WASHC4: variants seen among roughly 807,000 people sequenced by gnomAD.
WASHC4 encodes WASH complex subunit 4, also known as WASH complex subunit 7.
A neutral mutation model predicts 166.6 loss-of-function variants in WASHC4; 86 were observed. That is an observed-to-expected ratio of 0.52 (90% CI 0.43 to 0.62). WASHC4 has a LOEUF of 0.62. Ranked by LOEUF, WASHC4 falls within the 20% of genes least tolerant of loss-of-function variation. The probability of loss-of-function intolerance (pLI) is 0.00; values close to 1 mark genes in which losing one functional copy is unlikely to be tolerated. For missense variants in WASHC4, 1,262 were observed against 1,382.4 expected, an observed-to-expected ratio of 0.91 and a Z score of 1.38; for synonymous variants, 446 against 451.6, an observed-to-expected ratio of 0.99 and a Z score of 0.16.
At chr12:105,126,993 A>G in intron 12 of WASHC4, 136 bp from the exon 13 acceptor site, 1 of 723,826 alleles carries the variant, frequency 1.4e-6, no homozygotes, top group Admixed American at 2.5e-5. Context: ...TTTGTCTCAT[A>G]ATATATTAAT....
chr12:105,155,399 A>G (rs1197267736), intron 26 of WASHC4, among the ~76,000 whole-genome samples: 1 of 147,738 alleles, frequency 6.8e-6, no homozygotes, highest in African/African-American at 2.5e-5. Context: ...TGATTCGTTC[A>G]CATTTTTGAG....
intron 13 of WASHC4, among the ~76,000 whole-genome samples, chr12:105,130,783 G>A (rs1433069814): frequency 6.6e-6 from 1 of 152,198 alleles, no homozygotes; most frequent in Non-Finnish European, 1.5e-5. Flanking sequence ...AAGGTTTGTG[G>A]ATTTTTGCAT....
chr12:105,143,035 T>C, intron 19 of WASHC4, 92 bp from the exon 20 acceptor site: 1 of 798,542 alleles, frequency 1.3e-6, no homozygotes, highest in Non-Finnish European at 2.2e-6. Flanking sequence ...CAGATCGAGG[T>C]TTTGTCTTTC....
At position 105,160,810 on chromosome 12, in the gene WASHC4, T is replaced by C. The variant is rs145336594; in HGVS notation, c.3060+662T>C. On this transcript the variant is annotated intron_variant, in intron 29 of 32. Transcript: ENST00000332180. ...AACTTTAGCTGTTATTATAGTTTTTTCTAACACATTTCTTAAAGCATATTG... is the reference window on the plus strand; with the variant it reads ...AACTTTAGCTGTTATTATAGTTTTTCCTAACACATTTCTTAAAGCATATTG... 1.8e-3 allele frequency among the ~76,000 whole-genome samples: 267 copies of C among 152,332 alleles called. 2 individuals are homozygous for C. The highest frequency in any genetic ancestry group is 5.9e-3 in the African/African-American group (245 of 41,588).
chr12:105,149,211 A>T, intron 24 of WASHC4: 1 of 985,372 alleles, frequency 1.0e-6, no homozygotes, highest in Non-Finnish European at 1.2e-6. Context: ...CATGTTTCTT[A>T]CTTTAGTATC....
At chr12:105,137,232 C>T (rs993262033) in intron 14 of WASHC4, among the ~76,000 whole-genome samples, 3 of 152,120 alleles carry the variant, frequency 2.0e-5, no homozygotes, top group Admixed American at 2.0e-4. Flanking sequence ...AGAATTTTAA[C>T]ACCTCACAAG....
intron 12 of WASHC4, 27 bp downstream of exon 12, chr12:105,126,389 T>G: frequency 6.7e-7 from 1 of 1,499,424 alleles, no homozygotes; most frequent in Non-Finnish European, 9.2e-7. Context: ...TATTTTTCAA[T>G]TTGAGCAGAT....
intron 1 of WASHC4, among the ~76,000 whole-genome samples, chr12:105,110,455 A>G (rs558068096): frequency 4.6e-5 from 7 of 152,324 alleles, no homozygotes; most frequent in South Asian, 4.1e-4. Context: ...GCTTATTCCA[A>G]TGATTCCTTA....
Position 105,125,989 on chromosome 12 carries a change from A to G in WASHC4, c.787-15A>G, listed in dbSNP as rs146437844. On this transcript the variant is annotated splice_polypyrimidine_tract_variant and intron_variant, in intron 10 of 32. Transcript: ENST00000332180. The stretch of plus-strand genomic sequence containing the variant: ...ATTGAGAGTCTGAATTTCTCTTTCA[A>G]TGTTTCCTGTCTAGGCCTGTATAGA... The G allele has an allele frequency of 1.6e-5, 26 of 1,609,756 alleles. No individual in the cohort carries two copies. Among genetic ancestry groups the G allele is most frequent in the South Asian group, 4.4e-5 (4 of 90,960 alleles).
intron 8 of WASHC4, 135 bp downstream of exon 8, chr12:105,120,732 G>T: frequency 1.4e-6 from 1 of 692,032 alleles, no homozygotes; most frequent in Non-Finnish European, 2.6e-6. Flanking sequence ...GTTTGTGTGT[G>T]TTTGCATTTG....
chr12:105,120,722 G>GTA (rs537671871), intron 8 of WASHC4, 125 bp downstream of exon 8: 9 of 694,512 alleles, frequency 1.3e-5, no homozygotes, highest in East Asian at 1.1e-4. Flanking sequence ...GTGTGTGTGT[G>GTA]TTTGTGTGTG....
chr12:105,125,890 A>C, intron 10 of WASHC4, 114 bp from the exon 11 acceptor site: 1 of 1,048,524 alleles, frequency 9.5e-7, no homozygotes, highest in South Asian at 1.5e-5. Flanking sequence ...TTTTAGTAAA[A>C]TTTAAATGAT....
At chr12:105,114,695 C>G (rs149463168) in intron 4 of WASHC4, among the ~76,000 whole-genome samples, 1 of 152,136 alleles carries the variant, frequency 6.6e-6, no homozygotes, top group Non-Finnish European at 1.5e-5. Context: ...TGCATAACAT[C>G]TTACTGGTAG....
At chr12:105,134,364 G>A (rs118138907) in intron 14 of WASHC4, among the ~76,000 whole-genome samples, 1 of 152,072 alleles carries the variant, frequency 6.6e-6, no homozygotes, top group Non-Finnish European at 1.5e-5. Flanking sequence ...GTATTTGTCA[G>A]TTGTAGCATT....
At chr12:105,108,899 T>A (rs1879360993) in intron 1 of WASHC4, among the ~76,000 whole-genome samples, 1 of 152,154 alleles carries the variant, frequency 6.6e-6, no homozygotes, top group South Asian at 2.1e-4. Context: ...CCAGGATGGG[T>A]TGCAGTTTTT....
chr12:105,121,232 T>A lies in WASHC4; in HGVS notation c.665+28T>A, dbSNP rs766774433. 6.8e-6 allele frequency: 9 copies of A among 1,330,020 alleles called. No individual in the cohort carries two copies. In the South Asian group the frequency reaches 7.0e-5, roughly 10 times the overall value. The allele number at this position is 1,330,020 out of a possible 1,614,324, so 82.4% of individuals were successfully genotyped here. ...ACACCAATTAAAATATTTTAAAATG[T>A]TTCTTACTTTGGTTAATGTATTTGT... is the stretch of plus-strand genomic sequence containing the variant. On this transcript the variant is annotated intron_variant, in intron 9 of 32. Transcript: ENST00000332180.
chr12:105,137,791 T>C, intron 14 of WASHC4, 95 bp from the exon 15 acceptor site: 1 of 1,012,832 alleles, frequency 9.9e-7, no homozygotes, highest in Non-Finnish European at 1.5e-6. Flanking sequence ...GAAACATTAG[T>C]TATTGGTAAG....
intron 13 of WASHC4, among the ~76,000 whole-genome samples, chr12:105,131,235 C>T (rs898837062): frequency 2.0e-5 from 3 of 150,590 alleles, no homozygotes; most frequent in African/African-American, 7.3e-5. Flanking sequence ...TACAGGCGCC[C>T]GCCACCGCGC....
chr12:105,140,140 G>A (rs923772431), intron 15 of WASHC4, among the ~76,000 whole-genome samples, 154 bp from the exon 16 acceptor site: 1 of 152,046 alleles, frequency 6.6e-6, no homozygotes, highest in African/African-American at 2.4e-5. Flanking sequence ...CAAAGTGCTG[G>A]GATTACAGGC....
Sources: gnomAD v4.1 joint callset for allele counts (sites outside exome capture counted in the v4.1 genomes callset) on GRCh38, gnomAD v4.1.1 for gene constraint, MANE v1.5 for transcripts, NCBI Gene and HGNC (gene_info 2026-07-23, HGNC 2026-07-21) for gene names.